The following CYP3A43 variants were observed in gnomAD, a reference collection of about 807,000 sequenced individuals.
CYP3A43 encodes cytochrome P450 family 3 subfamily A member 43.
In CYP3A43, 45 loss-of-function variants were observed where a neutral mutation model predicts 58.0. The ratio of observed to expected loss-of-function variants is 0.78; its 90% CI spans 0.61 to 0.99. The LOEUF is 0.99. Ranked by LOEUF, CYP3A43 falls within the 50% of genes least tolerant of loss-of-function variation. CYP3A43 has a pLI of 0.00. For synonymous variants in CYP3A43, 191 were observed against 201.4 expected, an observed-to-expected ratio of 0.95 and a Z score of 0.44; for missense variants, 593 against 591.9, an observed-to-expected ratio of 1.00 and a Z score of -0.02.
At chr7:99,837,318 C>CA (rs35566033) in intron 2 of CYP3A43, among the ~76,000 whole-genome samples, 7,222 of 66,204 alleles carry the variant, frequency 0.11, 527 homozygotes, top group African/African-American at 0.18. Flanking sequence ...GACTGTGTCT[C>CA]AAAAAAAAAA....
Position 99,855,763 on chromosome 7 carries a change from A to G in CYP3A43, c.798+45A>G, listed in dbSNP as rs370094724. The G allele has an allele frequency of 5.2e-6, 8 of 1,548,480 alleles. No homozygotes were observed. In the South Asian group the frequency reaches 9.6e-5, roughly 19 times the overall value. On this transcript the variant is annotated intron_variant, in intron 8 of 12. Transcript: ENST00000354829. ...ACATGAGAATGTTCACTTTTTTATT[A>G]TATTTTTGGGCTGTTTACATACGAT... is the stretch of plus-strand genomic sequence containing the variant.
intron 3 of CYP3A43, among the ~76,000 whole-genome samples, chr7:99,842,905 A>G (rs1817391471): frequency 6.6e-6 from 1 of 152,182 alleles, no homozygotes; most frequent in Non-Finnish European, 1.5e-5. Context: ...ACCAGCCCTT[A>G]AAACCAAGTT....
chr7:99,836,302 G>T, intron 1 of CYP3A43, 151 bp from the exon 2 acceptor site: 1 of 636,652 alleles, frequency 1.6e-6, no homozygotes, highest in Non-Finnish European at 2.8e-6. Flanking sequence ...GCTATAAAAT[G>T]TAATTATTGC....
At chr7:99,860,468 G>A (rs147726808) in intron 10 of CYP3A43, among the ~76,000 whole-genome samples, 73 of 152,254 alleles carry the variant, frequency 4.8e-4, no homozygotes, top group Middle Eastern at 3.4e-3. Context: ...AGGACCCAGG[G>A]TGCCTGACGC....
intron 6 of CYP3A43, among the ~76,000 whole-genome samples, chr7:99,849,227 C>A (rs1008274950): frequency 2.0e-5 from 3 of 152,206 alleles, no homozygotes; most frequent in Admixed American, 6.5e-5. Flanking sequence ...TGTTGACACA[C>A]CTTTTACCAT....
chr7:99,857,641 G>A (rs922046479), intron 9 of CYP3A43, among the ~76,000 whole-genome samples: 5 of 152,094 alleles, frequency 3.3e-5, no homozygotes, highest in East Asian at 1.9e-4. Flanking sequence ...TCAGGAGTTC[G>A]AGACCAGCCT....
chr7:99,834,007 A>G (rs796657057), intron 1 of CYP3A43, among the ~76,000 whole-genome samples: 2 of 152,346 alleles, frequency 1.3e-5, no homozygotes, highest in Middle Eastern at 3.4e-3. Context: ...GCCATCTTGC[A>G]CATTCTAGCT....
Position 99,847,601 on chromosome 7 carries a change from A to C in CYP3A43, c.432A>C (p.Glu144Asp). 1 of 1,613,648 alleles carries C rather than the reference A, an allele frequency of 6.2e-7. No homozygotes were observed. Among genetic ancestry groups the C allele is most frequent in the African/African-American group, 1.3e-5 (1 of 75,058 alleles). The change falls in exon 5 of 13, where the codon GAA becomes GAC. Residue 144 changes from glutamate (E) to aspartate (D), a missense_variant and splice_region_variant. By Grantham distance (45) the Glu-to-Asp change is conservative. Transcript: ENST00000354829. ...CTTTCACCAGTGTAAAATTCAAGGA[A>C]GTAAGAAAATAAGGTGATTTATAAT... ...SPAFTSVKFK[E>D]MVPIISQCGD... is the part of the protein sequence containing the mutation.
At chr7:99,865,727 C>T (rs1240494810) in intron 12 of CYP3A43, among the ~76,000 whole-genome samples, 179 bp from the exon 13 acceptor site, 1 of 148,780 alleles carries the variant, frequency 6.7e-6, no homozygotes, top group Non-Finnish European at 1.5e-5. Flanking sequence ...AATGCTTTCA[C>T]TATCCAATCT....
chr7:99,863,704 G>A lies in CYP3A43; in HGVS notation c.1416+5G>A. 6.4e-7 allele frequency: 1 copy of A among 1,560,098 alleles called. No individual in the cohort carries two copies. The highest frequency in any genetic ancestry group is 8.7e-7 in the Non-Finnish European group (1 of 1,153,882). On this transcript the variant is annotated splice_donor_5th_base_variant and intron_variant, in intron 12 of 12. Transcript: ENST00000354829. ...AAACCTTGTAAAGAGACTCAGGTCA[G>A]TAAACTTTCTTATAAATAATGTTTA...
intron 9 of CYP3A43, among the ~76,000 whole-genome samples, 184 bp from the exon 10 acceptor site, chr7:99,859,646 T>C (rs1818142818): frequency 1.3e-5 from 2 of 152,244 alleles, no homozygotes; most frequent in African/African-American, 2.4e-5. Context: ...TGGATTAAAG[T>C]GACTTTGCCT....
chr7:99,851,546 T>C (rs966239378), intron 7 of CYP3A43, among the ~76,000 whole-genome samples: 2 of 152,246 alleles, frequency 1.3e-5, no homozygotes, highest in South Asian at 4.1e-4. Flanking sequence ...TAATGGCTAA[T>C]AAAATTGAGC....
chr7:99,850,417 A>T lies in CYP3A43; in HGVS notation c.670+723A>T, dbSNP rs138692113. ...GCTGAGACTACAGGCATGCGCCACC[A>T]CACCCAACTAATTTTTGTATTTTTA... On this transcript the variant is annotated intron_variant, in intron 7 of 12. Transcript: ENST00000354829. Among the ~76,000 whole-genome samples, 789 of 151,746 alleles carry T rather than the reference A, an allele frequency of 5.2e-3. 5 individuals are homozygous for T. Among genetic ancestry groups the T allele is most frequent in the South Asian group, 0.011 (52 of 4,796 alleles).
At chr7:99,848,574 C>T (rs994387335) in intron 6 of CYP3A43, among the ~76,000 whole-genome samples, 2 of 152,050 alleles carry the variant, frequency 1.3e-5, no homozygotes, top group East Asian at 1.9e-4. Flanking sequence ...TGAGCATAGA[C>T]GTTATGGAGT....
intron 8 of CYP3A43, among the ~76,000 whole-genome samples, chr7:99,856,092 TA>T (rs1817970622): frequency 6.6e-6 from 1 of 152,256 alleles, no homozygotes; most frequent in Non-Finnish European, 1.5e-5. Context: ...ACAATTTCCC[TA>T]GTTCTTATAT....
chr7:99,836,411 A>G, intron 1 of CYP3A43, 42 bp from the exon 2 acceptor site: 2 of 1,539,334 alleles, frequency 1.3e-6, no homozygotes, highest in Non-Finnish European at 1.8e-6. Context: ...TTATCTATAA[A>G]GTTACAATTT....
Position 99,839,182 on chromosome 7 carries a change from C to T in CYP3A43, c.218+10C>T, listed in dbSNP as rs1817226127. The T allele has an allele frequency of 1.2e-6, 2 of 1,613,944 alleles. No homozygotes were observed. The highest frequency in any genetic ancestry group is 1.7e-6 in the Non-Finnish European group (2 of 1,179,998). ...ACGGAGAAATGTGGGGGTGAGTATT[C>T]TGGAAACTTGCATTGGATAGAGCTG... On this transcript the variant is annotated intron_variant, in intron 3 of 12. Transcript: ENST00000354829.
chr7:99,840,411 A>G (rs1409063130), intron 3 of CYP3A43, among the ~76,000 whole-genome samples: 1 of 152,222 alleles, frequency 6.6e-6, no homozygotes, highest in Non-Finnish European at 1.5e-5. Context: ...ACCAGAAATC[A>G]TCCCTCCACC....
In CYP3A43 at chr7:99,856,871, G is replaced by T; in HGVS notation, c.837G>T (p.Gln279His). ...TCTTTCAACAGATGATCGACTCCCA[G>T]AATTCCAAAGAAACAAAGTCCCATA... ...VDFFQQMIDSQNSKETKSHKA... is the reference protein window; with the variant it reads ...VDFFQQMIDSHNSKETKSHKA... Residue 279 changes from glutamine (Q) to histidine (H), a missense_variant, in exon 9 of 13, where the codon CAG becomes CAT. Physicochemically the swap from Gln to His is conservative, Grantham distance 24. Coordinates refer to ENST00000354829, the MANE Select transcript of CYP3A43 (RefSeq NM_057095.3). 1 of 1,613,920 alleles carries T rather than the reference G, an allele frequency of 6.2e-7. No homozygotes were observed. Among genetic ancestry groups the T allele is most frequent in the Non-Finnish European group, 8.5e-7 (1 of 1,179,946 alleles).
Sources: gnomAD v4.1 joint callset for allele counts (sites outside exome capture counted in the v4.1 genomes callset) on GRCh38, gnomAD v4.1.1 for gene constraint, MANE v1.5 for transcripts, NCBI Gene and HGNC (gene_info 2026-07-23, HGNC 2026-07-21) for gene names.